Variants in CYP46A1 observed in about 807,000 individuals in gnomAD.
CYP46A1 encodes cholesterol 24-hydroxylase.
A neutral mutation model predicts 63.3 loss-of-function variants in CYP46A1; 20 were observed. The observed-to-expected ratio is 0.32, with a 90% CI of 0.22 to 0.46. The LOEUF (loss-of-function observed/expected upper bound fraction) is 0.46, where lower values mean the gene tolerates loss of function less well. Ranked by LOEUF, CYP46A1 falls within the 20% of genes least tolerant of loss-of-function variation. CYP46A1 has a pLI of 1.00. For missense variants in CYP46A1, 445 were observed against 670.8 expected (o/e 0.66, Z 3.72); for synonymous variants, 268 against 273.6 (o/e 0.98, Z 0.20).
Position 99,726,865 on chromosome 14 carries a change from G to A in CYP46A1, c.*138G>A, listed in dbSNP as rs1387790514. On this transcript the variant is annotated 3_prime_UTR_variant, in exon 15 of 15. Coordinates refer to ENST00000261835, the MANE Select transcript of CYP46A1 (RefSeq NM_006668.2). ...GCTGGCTTCCAGCGGGCCCTCTGCC[G>A]ACCGCCTGCTTCACACCCCTCAGCG... 20 of 674,826 alleles carry A rather than the reference G, an allele frequency of 3.0e-5. No homozygotes were observed. The highest frequency in any genetic ancestry group is 4.4e-5 in the Non-Finnish European group (19 of 436,086). The allele number at this position is 674,826 out of a possible 1,614,324, so 41.8% of individuals were successfully genotyped here.
At chr14:99,701,553 A>T (rs35683282) in intron 5 of CYP46A1, among the ~76,000 whole-genome samples, 46,273 of 152,110 alleles carry the variant, frequency 0.3, 7,594 homozygotes, top group South Asian at 0.39. Flanking sequence ...TCTATGCTGT[A>T]CACACAATGA....
At chr14:99,724,526 TG>T (rs1180431885) in intron 12 of CYP46A1, among the ~76,000 whole-genome samples, 1 of 152,336 alleles carries the variant, frequency 6.6e-6, no homozygotes, top group East Asian at 1.9e-4. Context: ...GGTGCCACCC[TG>T]TGGGCTTTGA....
intron 10 of CYP46A1, among the ~76,000 whole-genome samples, chr14:99,719,739 C>T (rs1181549733): frequency 6.7e-6 from 1 of 148,906 alleles, no homozygotes; most frequent in Non-Finnish European, 1.5e-5. Flanking sequence ...TGTGTCAGAA[C>T]TCCCTTCCTT....
intron 7 of CYP46A1, chr14:99,709,554 T>C (rs989985996): frequency 1.3e-5 from 2 of 152,196 alleles, no homozygotes; most frequent in African/African-American, 4.8e-5. Flanking sequence ...CAGCAGTAAG[T>C]GACCAAATAT....
chr14:99,691,649 A>G lies in CYP46A1; in HGVS notation c.201-131A>G, dbSNP rs1370085942. On this transcript the variant is annotated intron_variant, in intron 2 of 14. Coordinates refer to ENST00000261835, the MANE Select transcript of CYP46A1 (RefSeq NM_006668.2). The stretch of plus-strand genomic sequence containing the variant: ...GCCCCCAGGGCTCCTGGGCCCCAGG[A>G]CAGCACTCTTTTGGTAGCATGCATT... The G allele has an allele frequency of 1.1e-5, 9 of 816,120 alleles. No homozygotes were observed. The African/African-American group carries it at 1.3e-4, about 12-fold the overall frequency. The allele number at this position is 816,120 out of a possible 1,614,324, so 50.6% of individuals were successfully genotyped here.
At position 99,706,828 on chromosome 14, in the gene CYP46A1, G is replaced by A. The variant is rs767885957; in HGVS notation, c.582+43G>A. The A allele has an allele frequency of 1.9e-5, 31 of 1,593,654 alleles. No homozygotes were observed. In the Admixed American group the frequency reaches 5.1e-4, roughly 26 times the overall value. Reference sequence around the variant, plus strand: ...GGCATGGGGGCCAGGAGGGCCACATGGGGTAGAGGGGTCTCTTCTCTCCCT... The same window carrying A: ...GGCATGGGGGCCAGGAGGGCCACATAGGGTAGAGGGGTCTCTTCTCTCCCT... On this transcript the variant is annotated intron_variant, in intron 6 of 14. Transcript: ENST00000261835.
intron 9 of CYP46A1, among the ~76,000 whole-genome samples, chr14:99,716,587 T>G (rs2056792319): frequency 6.6e-6 from 1 of 152,242 alleles, no homozygotes; most frequent in Non-Finnish European, 1.5e-5. Flanking sequence ...AAGACTCCTC[T>G]TCAGCCGTCA....
chr14:99,693,500 A>G (rs1278450501), intron 3 of CYP46A1: 1 of 152,200 alleles, frequency 6.6e-6, no homozygotes, highest in Non-Finnish European at 1.5e-5. Context: ...GTCATGATAT[A>G]TTATCTTTTA....
chr14:99,726,298 A>T lies in CYP46A1; in HGVS notation c.1332+42A>T, dbSNP rs1234461355. 1.9e-6 allele frequency: 3 copies of T among 1,596,116 alleles called. No homozygotes were observed. In the East Asian group the frequency reaches 6.7e-5, roughly 36 times the overall value. On this transcript the variant is annotated intron_variant, in intron 14 of 14. Coordinates refer to ENST00000261835, the MANE Select transcript of CYP46A1 (RefSeq NM_006668.2). ...TGTGGTTCTGCCCAGGAGTAGCTGC[A>T]GGGGTGGGGGCTCATCCTGAGCCGG...
intron 7 of CYP46A1, chr14:99,708,228 G>C: frequency 4.5e-6 from 1 of 221,842 alleles, no homozygotes; most frequent in Non-Finnish European, 9.2e-6. Context: ...CTGCCACTGA[G>C]AGGGCCTGAG....
chr14:99,697,872 T>A (rs989690426), intron 3 of CYP46A1, among the ~76,000 whole-genome samples: 3 of 152,108 alleles, frequency 2.0e-5, no homozygotes, highest in Non-Finnish European at 4.4e-5. Context: ...CTACTCTGCC[T>A]TAATGGTAGG....
chr14:99,726,351 G>C, intron 14 of CYP46A1, 95 bp downstream of exon 14: 1 of 1,375,598 alleles, frequency 7.3e-7, no homozygotes, highest in East Asian at 2.5e-5. Context: ...CTGCTCTGGG[G>C]CTGCTGGGCT....
intron 3 of CYP46A1, among the ~76,000 whole-genome samples, chr14:99,694,032 C>A (rs967446857): frequency 6.6e-6 from 1 of 152,124 alleles, no homozygotes; most frequent in Admixed American, 6.5e-5. Context: ...CTTCTGTCTC[C>A]GTGAATTGGA....
chr14:99,706,509 C>A, intron 5 of CYP46A1, 138 bp from the exon 6 acceptor site: 1 of 1,145,378 alleles, frequency 8.7e-7, no homozygotes, highest in Non-Finnish European at 1.2e-6. Context: ...ATCTGGGTCT[C>A]AAGGGGAGGC....
At position 99,722,694 on chromosome 14, in the gene CYP46A1, C is replaced by T. The variant is rs2056859805; in HGVS notation, c.1176+628C>T. Among the ~76,000 whole-genome samples the T allele has an allele frequency of 8.1e-6, 1 of 123,644 alleles. No homozygotes were observed. Among genetic ancestry groups the T allele is most frequent in the Admixed American group, 8.4e-5 (1 of 11,890 alleles). 81.1% of individuals were successfully genotyped at this position (123,644 alleles called of 152,430 possible). A position where few individuals can be genotyped will look rare whatever the true frequency, so the allele number is the denominator to read the frequency against. ...GTGTGTGTGTGCCTGTGTGCATTCA[C>T]GCAGTAATATATTGTAGGACTTGTT... is the stretch of plus-strand genomic sequence containing the variant. On this transcript the variant is annotated intron_variant, in intron 12 of 14. Coordinates refer to ENST00000261835, the MANE Select transcript of CYP46A1 (RefSeq NM_006668.2). This position sits in a 1 kb window ranked among gnomAD's most constrained non-coding sequence, Gnocchi z 4.6.
chr14:99,718,217 C>A, intron 10 of CYP46A1, 91 bp downstream of exon 10: 1 of 1,044,566 alleles, frequency 9.6e-7, no homozygotes, highest in South Asian at 1.4e-5. Flanking sequence ...GGTTGAGTCC[C>A]CTCAACATGC....
intron 5 of CYP46A1, chr14:99,703,940 C>G (rs1416548432): frequency 2.1e-6 from 2 of 953,014 alleles, no homozygotes; most frequent in Admixed American, 1.2e-4. Context: ...ACTTATTGTG[C>G]CAAGAGCCAG....
At position 99,722,060 on chromosome 14, in the gene CYP46A1, G is replaced by A. The variant is rs140794624; in HGVS notation, c.1170G>A (p.Pro390=). 2.7e-4 allele frequency: 436 copies of A among 1,611,220 alleles called. 1 individual carries two copies. Among genetic ancestry groups the A allele is most frequent in the Non-Finnish European group, 3.5e-4 (412 of 1,179,080 alleles). ...GGGTCAGAGTCCCCGGCAACACCCC[G>A]CTCTTGGTGGGTGGAGGCCCTGGGG... ...IDGVRVPGNT[P]LLFSTYVMGR... Residue 390 remains proline, a synonymous_variant, in exon 12 of 15, where the codon CCG becomes CCA. Transcript: ENST00000261835. This position sits in a 1 kb window ranked among gnomAD's most constrained non-coding sequence, Gnocchi z 4.6.
rs977682333 is a variant in CYP46A1, at chr14:99,726,926, G to A, written c.*199G>A. ...CCTGCGGACTCCATGGCCCTTCCTG[G>A]ACTGGCCCTTGCCCAACTCCCAGCC... On this transcript the variant is annotated 3_prime_UTR_variant, in exon 15 of 15. Transcript: ENST00000261835. 3.1e-5 allele frequency: 14 copies of A among 455,742 alleles called. No individual in the cohort carries two copies. Among genetic ancestry groups the A allele is most frequent in the African/African-American group, 2.8e-4 (14 of 49,238 alleles). 28.2% of individuals were successfully genotyped at this position (455,742 alleles called of 1,614,324 possible).
Sources: gnomAD v4.1 joint callset for allele counts (sites outside exome capture counted in the v4.1 genomes callset) on GRCh38, gnomAD v4.1.1 for gene constraint, Gnocchi (gnomAD v3.1) non-coding constraint, MANE v1.5 for transcripts, NCBI Gene and HGNC (gene_info 2026-07-23, HGNC 2026-07-21) for gene names.